Variants in ZNF804B observed in about 807,000 individuals in gnomAD.
ZNF804B encodes the protein zinc finger 804B.
Under a neutral mutation model 101.4 loss-of-function variants are expected in ZNF804B, and 80 were observed. The ratio of observed to expected loss-of-function variants is 0.79; its 90% CI spans 0.66 to 0.95. The LOEUF is 0.95. Ranked by LOEUF, ZNF804B falls within the 40% of genes least tolerant of loss-of-function variation. ZNF804B has a pLI of 0.00. For synonymous variants in ZNF804B, 622 were observed against 558.8 expected (o/e 1.11, Z -1.59); for missense variants, 1,673 against 1,561.9 (o/e 1.07, Z -1.20).
chr7:88,916,908 G>T (rs1379477865), intron 1 of ZNF804B, among the ~76,000 whole-genome samples: 1 of 151,980 alleles, frequency 6.6e-6, no homozygotes, highest in Non-Finnish European at 1.5e-5. Flanking sequence ...AATGAAAGAT[G>T]GTGTGTTGAA....
intron 1 of ZNF804B, among the ~76,000 whole-genome samples, chr7:89,014,361 G>T (rs1387545522): frequency 2.6e-5 from 4 of 152,090 alleles, no homozygotes; most frequent in Non-Finnish European, 4.4e-5. Context: ...GCCCAGGCTG[G>T]AGTGCAGTGG....
chr7:88,968,695 AG>A (rs1303735575), intron 1 of ZNF804B, among the ~76,000 whole-genome samples: 1 of 151,612 alleles, frequency 6.6e-6, no homozygotes, highest in Non-Finnish European at 1.5e-5. Context: ...GAGACTTTTC[AG>A]ATAGGAAATG....
At chr7:89,189,695 T>C (rs1448523410) in intron 1 of ZNF804B, among the ~76,000 whole-genome samples, 1 of 152,168 alleles carries the variant, frequency 6.6e-6, no homozygotes, top group African/African-American at 2.4e-5. Context: ...AGCAAGCAGC[T>C]TCAAGCGGGG....
intron 2 of ZNF804B, among the ~76,000 whole-genome samples, chr7:89,249,237 A>T (rs56790775): frequency 0.013 from 2,025 of 152,192 alleles, 41 homozygotes; most frequent in African/African-American, 0.046. Flanking sequence ...TTAGGCAAGG[A>T]ACTAACAAAT....
chr7:88,878,421 A>C (rs986761178), intron 1 of ZNF804B, among the ~76,000 whole-genome samples: 18 of 152,104 alleles, frequency 1.2e-4, no homozygotes, highest in African/African-American at 3.4e-4. Context: ...TTAACAACTC[A>C]ATTTTAATTT....
chr7:88,974,419 T>A (rs1366798464), intron 1 of ZNF804B, among the ~76,000 whole-genome samples: 2 of 151,284 alleles, frequency 1.3e-5, no homozygotes, highest in African/African-American at 4.8e-5. Context: ...GTAAAGCATG[T>A]ATCAGTTAGA....
At chr7:88,997,723 G>T (rs537211226) in intron 1 of ZNF804B, among the ~76,000 whole-genome samples, 1 of 152,106 alleles carries the variant, frequency 6.6e-6, no homozygotes, top group Non-Finnish European at 1.5e-5. Context: ...TATTTCTATT[G>T]TTCACAGATT....
At chr7:88,991,279 T>A (rs796614322) in intron 1 of ZNF804B, among the ~76,000 whole-genome samples, 3 of 152,192 alleles carry the variant, frequency 2.0e-5, no homozygotes, top group African/African-American at 7.2e-5. Context: ...AGATATTGAT[T>A]TCCCTCTGTC....
intron 1 of ZNF804B, among the ~76,000 whole-genome samples, chr7:88,925,414 T>G (rs1481823225): frequency 6.6e-6 from 1 of 152,158 alleles, no homozygotes; most frequent in African/African-American, 2.4e-5. Flanking sequence ...TACATTAACA[T>G]GAGGCCATTA....
At chr7:89,137,408 C>T (rs535011181) in intron 1 of ZNF804B, among the ~76,000 whole-genome samples, 1 of 152,096 alleles carries the variant, frequency 6.6e-6, no homozygotes, top group East Asian at 1.9e-4. Context: ...CAATAAGGTC[C>T]AGGCTGAGGT....
intron 1 of ZNF804B, chr7:88,794,329 GGTGCAACTTGGTGT>G: frequency 6.2e-7 from 1 of 1,613,880 alleles, no homozygotes; most frequent in Non-Finnish European, 8.5e-7. Context: ...GAGTAGGTCA[GGTGCAACTTGGTGT>G]AAGTTATCGC....
At chr7:88,997,729 A>G (rs922221550) in intron 1 of ZNF804B, among the ~76,000 whole-genome samples, 1 of 152,110 alleles carries the variant, frequency 6.6e-6, no homozygotes, top group Non-Finnish European at 1.5e-5. Flanking sequence ...TATTGTTCAC[A>G]GATTGGCTTA....
rs946731732 is a variant in ZNF804B, at chr7:88,873,963, G to C, written c.108+113879G>C. Among the ~76,000 whole-genome samples the C allele has an allele frequency of 5.9e-5, 9 of 152,038 alleles. No homozygotes were observed. The South Asian group carries it at 6.2e-4, about 11-fold the overall frequency. ...GACTTGGCAATGCGGGCTCTTTTTT[G>C]GTTCCATATGAACTTTAAAGTAGTT... On this transcript the variant is annotated intron_variant, in intron 1 of 3. Transcript: ENST00000333190.
At chr7:89,039,170 A>G (rs1284319648) in intron 1 of ZNF804B, among the ~76,000 whole-genome samples, 2 of 151,780 alleles carry the variant, frequency 1.3e-5, no homozygotes, top group Admixed American at 6.6e-5. Context: ...GTGGTTTTAT[A>G]CTACTTTTAG....
chr7:88,866,735 A>C (rs555708292), intron 1 of ZNF804B, among the ~76,000 whole-genome samples: 1 of 152,172 alleles, frequency 6.6e-6, no homozygotes, highest in East Asian at 1.9e-4. Context: ...AGAACCATGA[A>C]AAAATAATAG....
At position 89,337,219 on chromosome 7, in the gene ZNF804B, C is replaced by A. The variant is rs1791111688; in HGVS notation, c.*187C>A. Among the ~76,000 whole-genome samples the A allele has an allele frequency of 6.6e-6, 1 of 151,774 alleles. No homozygotes were observed. The highest frequency in any genetic ancestry group is 2.4e-5 in the African/African-American group (1 of 41,270). Reference sequence around the variant, plus strand: ...AGCATTTTAATAATTTTTTAGCTTGCCAAAATAATAGGCAAATTTGAATAA... The same window carrying A: ...AGCATTTTAATAATTTTTTAGCTTGACAAAATAATAGGCAAATTTGAATAA... On this transcript the variant is annotated 3_prime_UTR_variant, in exon 4 of 4. Coordinates refer to ENST00000333190, the MANE Select transcript of ZNF804B (RefSeq NM_181646.5).
intron 2 of ZNF804B, among the ~76,000 whole-genome samples, chr7:89,281,101 G>T (rs988335025): frequency 1.3e-5 from 2 of 152,008 alleles, no homozygotes; most frequent in Non-Finnish European, 2.9e-5. Context: ...ATATCCTGTT[G>T]TTCATGGATT....
Position 89,335,411 on chromosome 7 carries a change from T to C in ZNF804B, c.2429T>C (p.Leu810Pro). 1 of 1,613,652 alleles carries C rather than the reference T, an allele frequency of 6.2e-7. No homozygotes were observed. Among genetic ancestry groups the C allele is most frequent in the Non-Finnish European group, 8.5e-7 (1 of 1,179,870 alleles). ...RYCHCRERQK[L>P]GKNQQQFSGL... ...TGTCACTGCAGAGAAAGACAAAAAC[T>C]GGGCAAAAATCAACAACAATTTTCA... Residue 810 changes from leucine to proline, a missense_variant, in exon 4 of 4, where the codon CTG becomes CCG. Leu to Pro is a moderately conservative substitution (Grantham distance 98, BLOSUM62 -3). Coordinates refer to ENST00000333190, the MANE Select transcript of ZNF804B (RefSeq NM_181646.5).
chr7:89,304,529 ATGTGTGTGTG>A (rs80210075), intron 2 of ZNF804B, among the ~76,000 whole-genome samples: 1 of 150,914 alleles, frequency 6.6e-6, no homozygotes. Flanking sequence ...ATGTGTGTGT[ATGTGTGTGTG>A]TGTATGTGTG....
Sources: gnomAD v4.1 joint callset for allele counts (sites outside exome capture counted in the v4.1 genomes callset) on GRCh38, gnomAD v4.1.1 for gene constraint, MANE v1.5 for transcripts, NCBI Gene and HGNC (gene_info 2026-07-23, HGNC 2026-07-21) for gene names.